The following GALNT18 variants were observed in gnomAD, a reference collection of about 807,000 sequenced individuals.
GALNT18 encodes polypeptide N-acetylgalactosaminyltransferase 18.
A neutral mutation model predicts 69.5 loss-of-function variants in GALNT18; 44 were observed. The observed-to-expected ratio is 0.63, with a 90% CI of 0.50 to 0.81. The LOEUF is 0.81. Ranked by LOEUF, GALNT18 falls within the 40% of genes least tolerant of loss-of-function variation. GALNT18 has a pLI of 0.00. For synonymous variants in GALNT18, 364 were observed against 318.2 expected, an observed-to-expected ratio of 1.14 and a Z score of -1.53; for missense variants, 715 against 810.0, an observed-to-expected ratio of 0.88 and a Z score of 1.42.
Position 11,590,858 on chromosome 11 carries a change from T to C in GALNT18, c.235+30501A>G, listed in dbSNP as rs535640306. 1.8e-4 allele frequency among the ~76,000 whole-genome samples: 27 copies of C among 152,304 alleles called. No homozygotes were observed. The highest frequency in any genetic ancestry group is 6.5e-4 in the African/African-American group (27 of 41,556). ...TACCGCACTACCGGTCATATAAAAGTATAGAACATACAATTATGTACAGTA... is the reference window on the plus strand; with the variant it reads ...TACCGCACTACCGGTCATATAAAAGCATAGAACATACAATTATGTACAGTA... On this transcript the variant is annotated intron_variant, in intron 1 of 10. Transcript: ENST00000227756. The surrounding 1 kb of genome is among the most constrained non-coding windows in gnomAD (Gnocchi z 4.4).
intron 10 of GALNT18, among the ~76,000 whole-genome samples, chr11:11,275,410 T>C (rs1848922793): frequency 6.6e-6 from 1 of 152,218 alleles, no homozygotes; most frequent in South Asian, 2.1e-4. Flanking sequence ...GTAAATTTGT[T>C]TGTTCTTTGT....
intron 1 of GALNT18, among the ~76,000 whole-genome samples, chr11:11,506,322 A>G (rs1045032341): frequency 1.3e-5 from 2 of 152,200 alleles, no homozygotes; most frequent in Non-Finnish European, 2.9e-5. Flanking sequence ...AATATTTAAT[A>G]TGTGTTCACT....
chr11:11,313,153 G>A (rs935089299), intron 9 of GALNT18, among the ~76,000 whole-genome samples: 6 of 152,082 alleles, frequency 3.9e-5, no homozygotes, highest in African/African-American at 1.4e-4. Flanking sequence ...TCTAATGCTC[G>A]GGCCCTGGAA....
chr11:11,379,380 C>G (rs150066332), intron 3 of GALNT18, 116 bp from the exon 4 acceptor site: 1 of 1,010,258 alleles, frequency 9.9e-7, no homozygotes, highest in Non-Finnish European at 1.4e-6. Context: ...GGACCCATTC[C>G]CCTCCCTGGG....
rs1307312480 is a variant in GALNT18, at chr11:11,540,512, G to A, written c.235+80847C>T. Among the ~76,000 whole-genome samples the A allele has an allele frequency of 6.6e-6, 1 of 152,110 alleles. No homozygotes were observed. The highest frequency in any genetic ancestry group is 1.5e-5 in the Non-Finnish European group (1 of 68,026). On this transcript the variant is annotated intron_variant, in intron 1 of 10. Coordinates refer to ENST00000227756, the MANE Select transcript of GALNT18 (RefSeq NM_198516.3). This position sits in a 1 kb window ranked among gnomAD's most constrained non-coding sequence, Gnocchi z 4.6. The stretch of plus-strand genomic sequence containing the variant: ...TGACCAAGTTTCATTAGAAACTTTG[G>A]AATCACGGCAATCATATAAGTAATA...
At chr11:11,343,769 A>G (rs1850251950) in intron 6 of GALNT18, among the ~76,000 whole-genome samples, 1 of 152,238 alleles carries the variant, frequency 6.6e-6, no homozygotes, top group South Asian at 2.1e-4. Context: ...CATGAGTCGT[A>G]GCAAAACTCT....
At chr11:11,487,674 G>A (rs1300220678) in intron 1 of GALNT18, among the ~76,000 whole-genome samples, 1 of 152,166 alleles carries the variant, frequency 6.6e-6, no homozygotes, top group Admixed American at 6.5e-5. Context: ...AATAAGAACA[G>A]TGGCAGCCCC....
At chr11:11,401,066 G>A (rs1854454887) in intron 3 of GALNT18, among the ~76,000 whole-genome samples, 1 of 152,142 alleles carries the variant, frequency 6.6e-6, no homozygotes, top group Admixed American at 6.6e-5. Flanking sequence ...GAGATCAGGG[G>A]AAGACTGGAT....
chr11:11,533,085 C>T (rs1428691580), intron 1 of GALNT18, among the ~76,000 whole-genome samples: 1 of 152,172 alleles, frequency 6.6e-6, no homozygotes, highest in African/African-American at 2.4e-5. Flanking sequence ...TGCCCACCCC[C>T]ATCCATGTTA....
rs907389904 is a variant in GALNT18 at position 11,603,917 on chromosome 11, A to C, written c.235+17442T>G. Among the ~76,000 whole-genome samples the C allele has an allele frequency of 6.6e-6, 1 of 152,268 alleles. No individual in the cohort carries two copies. The highest frequency in any genetic ancestry group is 2.1e-4 in the South Asian group (1 of 4,822). On this transcript the variant is annotated intron_variant, in intron 1 of 10. Transcript: ENST00000227756. The surrounding 1 kb of genome is among the most constrained non-coding windows in gnomAD (Gnocchi z 4.5). The stretch of plus-strand genomic sequence containing the variant: ...CCATATGTTGAAATCCTAACCCCTA[A>C]GTTGATGGAATTAGGAGGTAGGGCC...
rs1859108964 is a variant in GALNT18, at chr11:11,582,420, T to C, written c.235+38939A>G. Among the ~76,000 whole-genome samples, 1 of 152,254 alleles carries C rather than the reference T, an allele frequency of 6.6e-6. No homozygotes were observed. The highest frequency in any genetic ancestry group is 1.5e-5 in the Non-Finnish European group (1 of 68,044). On this transcript the variant is annotated intron_variant, in intron 1 of 10. Coordinates refer to ENST00000227756, the MANE Select transcript of GALNT18 (RefSeq NM_198516.3). This position sits in a 1 kb window ranked among gnomAD's most constrained non-coding sequence, Gnocchi z 5.0. ...TGCAGTGCTATCCAGTGGGGGATTC[T>C]GTGTCCCATCCCACAGTGACAATGA...
At chr11:11,362,933 C>T (rs989694991) in intron 6 of GALNT18, among the ~76,000 whole-genome samples, 18 of 152,178 alleles carry the variant, frequency 1.2e-4, no homozygotes, top group Non-Finnish European at 2.4e-4. Context: ...ATTGGTAGAA[C>T]AAACTATAAA....
Position 11,387,504 on chromosome 11 carries a change from G to A in GALNT18, c.596-8240C>T, listed in dbSNP as rs999879269. ...GTGCAATTAATTGCTTGTCTCCAAT[G>A]GTGCTAATTTAAAGATTAAAAGTGT... On this transcript the variant is annotated intron_variant, in intron 3 of 10. Coordinates refer to ENST00000227756, the MANE Select transcript of GALNT18 (RefSeq NM_198516.3). The surrounding 1 kb of genome is among the most constrained non-coding windows in gnomAD (Gnocchi z 4.6). Among the ~76,000 whole-genome samples the A allele has an allele frequency of 6.6e-6, 1 of 152,086 alleles. No individual in the cohort carries two copies. Among genetic ancestry groups the A allele is most frequent in the Non-Finnish European group, 1.5e-5 (1 of 68,004 alleles).
intron 1 of GALNT18, among the ~76,000 whole-genome samples, chr11:11,547,791 C>A (rs1254599825): frequency 6.6e-6 from 1 of 152,172 alleles, no homozygotes; most frequent in Non-Finnish European, 1.5e-5. Context: ...GCCTAAAATT[C>A]ATTCCATGCT....
intron 1 of GALNT18, among the ~76,000 whole-genome samples, chr11:11,464,164 G>A (rs965650101): frequency 1.3e-4 from 20 of 152,220 alleles, no homozygotes; most frequent in African/African-American, 4.3e-4. Context: ...GGTCAGGCAA[G>A]GCTTCTTCAG....
In GALNT18 at chr11:11,466,063, G is replaced by A. The variant is rs376425817; in HGVS notation, c.236-17127C>T. ...ATTTTTTGCATTTCACCCATTATAC[G>A]CAAACAGATATAAGGGAAACGAGGT... On this transcript the variant is annotated intron_variant, in intron 1 of 10. Coordinates refer to ENST00000227756, the MANE Select transcript of GALNT18 (RefSeq NM_198516.3). 2.7e-4 allele frequency among the ~76,000 whole-genome samples: 41 copies of A among 151,968 alleles called. 1 individual carries two copies. Among genetic ancestry groups the A allele is most frequent in the East Asian group, 2.0e-3 (10 of 5,126 alleles).
intron 10 of GALNT18, among the ~76,000 whole-genome samples, chr11:11,279,527 A>G (rs1024617585): frequency 6.6e-5 from 10 of 152,236 alleles, no homozygotes; most frequent in Non-Finnish European, 4.4e-5. Flanking sequence ...CATCAATAGT[A>G]CAGCAGACAT....
In GALNT18 at chr11:11,347,752, A is replaced by G. The variant is rs892022002; in HGVS notation, c.1093-6748T>C. 2.0e-5 allele frequency among the ~76,000 whole-genome samples: 3 copies of G among 152,196 alleles called. No homozygotes were observed. The highest frequency in any genetic ancestry group is 7.2e-5 in the African/African-American group (3 of 41,442). On this transcript the variant is annotated intron_variant, in intron 6 of 10. Transcript: ENST00000227756. This position sits in a 1 kb window ranked among gnomAD's most constrained non-coding sequence, Gnocchi z 4.0. ...CAAACTCTTGGAACTAATGACTTGT[A>G]CGACTCATGTGGTCCTTATTTCTTG...
chr11:11,447,543 T>C (rs1855684068), intron 2 of GALNT18, among the ~76,000 whole-genome samples: 1 of 152,206 alleles, frequency 6.6e-6, no homozygotes, highest in South Asian at 2.1e-4. Context: ...TATGAAGAAA[T>C]ACCTGTGACT....
Sources: gnomAD v4.1 joint callset for allele counts (sites outside exome capture counted in the v4.1 genomes callset) on GRCh38, gnomAD v4.1.1 for gene constraint, Gnocchi (gnomAD v3.1) non-coding constraint, MANE v1.5 for transcripts, NCBI Gene and HGNC (gene_info 2026-07-23, HGNC 2026-07-21) for gene names.